INPP4A: variants seen among roughly 807,000 people sequenced by gnomAD.
INPP4A encodes the protein inositol polyphosphate-4-phosphatase type I A.
A neutral mutation model predicts 119.8 loss-of-function variants in INPP4A; 33 were observed. That is an observed-to-expected ratio of 0.28 (90% CI 0.21 to 0.37). INPP4A has a LOEUF of 0.37. Ranked by LOEUF, INPP4A falls within the 10% of genes least tolerant of loss-of-function variation. The probability of loss-of-function intolerance (pLI) is 1.00; values close to 1 mark genes in which losing one functional copy is unlikely to be tolerated. For missense variants in INPP4A, 956 were observed against 1,289.9 expected, an observed-to-expected ratio of 0.74 and a Z score of 3.97; for synonymous variants, 496 against 500.7, an observed-to-expected ratio of 0.99 and a Z score of 0.12.
intron 1 of INPP4A, among the ~76,000 whole-genome samples, chr2:98,501,822 T>C (rs1309779685): frequency 6.6e-6 from 1 of 152,234 alleles, no homozygotes; most frequent in African/African-American, 2.4e-5. Context: ...GCTCCAACTC[T>C]ACATCAGTTG....
In INPP4A at chr2:98,554,529, T is replaced by C. The variant is rs201443599; in HGVS notation, c.1566+40T>C. 2.9e-5 allele frequency: 46 copies of C among 1,576,148 alleles called. No homozygotes were observed. The African/African-American group carries it at 6.1e-4, about 21-fold the overall frequency. ...GTGGCTGTCATCCCACTGCTGAACT[T>C]GGGCTGAAAACCACAAAACCTGTTG... On this transcript the variant is annotated intron_variant, in intron 15 of 24. Coordinates refer to ENST00000409851, the MANE Select transcript of INPP4A (RefSeq NM_001134225.2). The surrounding 1 kb of genome is among the most constrained non-coding windows in gnomAD (Gnocchi z 4.7).
At chr2:98,565,173 A>G (rs1416768968) in intron 19 of INPP4A, among the ~76,000 whole-genome samples, 4 of 152,278 alleles carry the variant, frequency 2.6e-5, no homozygotes, top group African/African-American at 7.2e-5. Context: ...TCTTCTTCCT[A>G]CCCTTGTTTA....
At chr2:98,448,353 C>CAAAAA (rs571844955) in intron 1 of INPP4A, among the ~76,000 whole-genome samples, 1 of 99,746 alleles carries the variant, frequency 1.0e-5, no homozygotes, top group Admixed American at 1.1e-4. Context: ...GAGACTGTCT[C>CAAAAA]AAAAAAAAAA....
intron 1 of INPP4A, among the ~76,000 whole-genome samples, chr2:98,455,654 A>T (rs1243154580): frequency 6.6e-6 from 1 of 152,240 alleles, no homozygotes; most frequent in Non-Finnish European, 1.5e-5. Context: ...CCCAGGGGCT[A>T]CATGGGTGAA....
chr2:98,532,938 T>G (rs1185475395), intron 4 of INPP4A, among the ~76,000 whole-genome samples: 1 of 152,184 alleles, frequency 6.6e-6, no homozygotes, highest in East Asian at 1.9e-4. Flanking sequence ...CCAAGACACG[T>G]GGAGCACCAT....
chr2:98,545,225 A>G (rs959437150), intron 11 of INPP4A, among the ~76,000 whole-genome samples: 4 of 152,212 alleles, frequency 2.6e-5, no homozygotes, highest in African/African-American at 9.7e-5. Context: ...ATTTTTCACT[A>G]GATGAAACGT....
chr2:98,511,312 C>T (rs1219749850), intron 1 of INPP4A, among the ~76,000 whole-genome samples: 1 of 152,190 alleles, frequency 6.6e-6, no homozygotes, highest in East Asian at 1.9e-4. Context: ...CCTGCCTTGG[C>T]CTCCCAAAGT....
In INPP4A at chr2:98,444,859, T is replaced by G. The variant is rs1374969211; in HGVS notation, c.-392T>G. 6.6e-6 allele frequency: 1 copy of G among 151,218 alleles called. No individual in the cohort carries two copies. Among genetic ancestry groups the G allele is most frequent in the Non-Finnish European group, 1.5e-5 (1 of 67,978 alleles). 9.4% of individuals were successfully genotyped at this position (151,218 alleles called of 1,614,324 possible). A position where few individuals can be genotyped will look rare whatever the true frequency, so the allele number is the denominator to read the frequency against. On this transcript the variant is annotated 5_prime_UTR_variant, in exon 1 of 25. Transcript: ENST00000409851. Reference sequence around the variant, plus strand: ...GGCCAGGGCGGGGCTGCGCCCGGCGTCTAGAGCGGCGGCGGCTGGCTAGGG... The same window carrying G: ...GGCCAGGGCGGGGCTGCGCCCGGCGGCTAGAGCGGCGGCGGCTGGCTAGGG...
At chr2:98,533,533 C>T (rs2105919605) in intron 5 of INPP4A, 38 bp downstream of exon 5, 1 of 1,221,480 alleles carries the variant, frequency 8.2e-7, no homozygotes, top group Non-Finnish European at 1.2e-6. Context: ...GGCTGTGGGA[C>T]ATGCTCTAGT....
At chr2:98,555,186 C>G (rs575523562) in intron 15 of INPP4A, among the ~76,000 whole-genome samples, 1 of 152,274 alleles carries the variant, frequency 6.6e-6, no homozygotes, top group African/African-American at 2.4e-5. Flanking sequence ...TCCCTTCTAT[C>G]AAAAGGAGGC....
At chr2:98,521,117 CT>C (rs1382992532) in intron 4 of INPP4A, 5 of 188,446 alleles carry the variant, frequency 2.7e-5, no homozygotes, top group Non-Finnish European at 5.4e-5. Flanking sequence ...TTGCCCCTGG[CT>C]GCAAGGCCTT....
intron 1 of INPP4A, among the ~76,000 whole-genome samples, chr2:98,445,342 G>C (rs1362688126): frequency 2.0e-5 from 3 of 152,230 alleles, no homozygotes; most frequent in Admixed American, 6.5e-5. Flanking sequence ...GGTGCCGAGC[G>C]GGCGCGTGGC....
intron 10 of INPP4A, among the ~76,000 whole-genome samples, chr2:98,540,426 AG>A (rs1240716574): frequency 9.2e-5 from 14 of 152,210 alleles, no homozygotes; most frequent in African/African-American, 3.4e-4. Context: ...CTCTCAACCC[AG>A]GGCATATTTT....
rs528413088 is a variant in INPP4A at position 98,491,435 on chromosome 2, T to A, written c.-165-27529T>A. On this transcript the variant is annotated intron_variant, in intron 1 of 24. Transcript: ENST00000409851. The stretch of plus-strand genomic sequence containing the variant: ...TTTAAAGCATTTACTCATGCTCTCG[T>A]CTGGATGATGTGGTTTCCAGGCCTC... Among the ~76,000 whole-genome samples, 65 of 152,328 alleles carry A rather than the reference T, an allele frequency of 4.3e-4. No homozygotes were observed. In the South Asian group the frequency reaches 0.012, roughly 28 times the overall value.
chr2:98,546,676 T>C lies in INPP4A; in HGVS notation c.1145T>C (p.Phe382Ser). The C allele has an allele frequency of 6.2e-7, 1 of 1,610,226 alleles. No individual in the cohort carries two copies. Among genetic ancestry groups the C allele is most frequent in the Non-Finnish European group, 8.5e-7 (1 of 1,176,442 alleles). ...GGTCTCCGCAAAAAGCTGCACAAAT[T>C]TGAAGAGACCAAGAAACAGTAAGTA... ...SGGLRKKLHK[F>S]EETKKHTSSG... The change falls in exon 13 of 25, where the codon TTT (phenylalanine) becomes TCT (serine). Residue 382 changes from phenylalanine to serine, a missense_variant. By Grantham distance (155) the Phe-to-Ser change is radical. This residue lies in a region of INPP4A where 652 missense variants were observed against 797.9 expected (regional missense o/e 0.82). Transcript: ENST00000409851. This position sits in a 1 kb window ranked among gnomAD's most constrained non-coding sequence, Gnocchi z 4.2.
chr2:98,513,456 C>G (rs184470800), intron 1 of INPP4A, among the ~76,000 whole-genome samples: 63 of 152,370 alleles, frequency 4.1e-4, no homozygotes, highest in Admixed American at 3.9e-3. Flanking sequence ...TAGAGACATT[C>G]ATTCACTCAC....
At chr2:98,553,616 C>T (rs1446295405) in intron 14 of INPP4A, among the ~76,000 whole-genome samples, 2 of 152,152 alleles carry the variant, frequency 1.3e-5, no homozygotes, top group Non-Finnish European at 2.9e-5. Context: ...TACCTCCACA[C>T]TCACACTCAC....
Position 98,587,539 on chromosome 2 carries a change from C to T in INPP4A, c.2850C>T (p.Ser950=), listed in dbSNP as rs867026424. ...GAAGTCGCAAATATGCATTTAATTCCCTGCAGCTGAAGGCTTTCCCCAAGC... is the reference window on the plus strand; with the variant it reads ...GAAGTCGCAAATATGCATTTAATTCTCTGCAGCTGAAGGCTTTCCCCAAGC... The part of the protein sequence containing the change: ...NVGSRKYAFN[S]LQLKAFPKHY... The change falls in exon 25 of 25, where the codon TCC becomes TCT. Residue 950 remains serine (S), a synonymous_variant. Transcript: ENST00000409851. 4 of 1,610,002 alleles carry T rather than the reference C, an allele frequency of 2.5e-6. No individual in the cohort carries two copies. In the Middle Eastern group the frequency reaches 6.6e-4, roughly 266 times the overall value.
chr2:98,545,349 T>C (rs951963083), intron 11 of INPP4A, among the ~76,000 whole-genome samples: 15 of 152,222 alleles, frequency 9.9e-5, no homozygotes, highest in African/African-American at 3.4e-4. Flanking sequence ...AGATTGTGCA[T>C]ATTTGTTATA....
Sources: allele counts gnomAD v4.1 joint callset (sites outside exome capture counted in the v4.1 genomes callset), GRCh38; gene constraint gnomAD v4.1.1; regional missense constraint gnomAD v4.1.1; non-coding constraint Gnocchi (gnomAD v3.1); transcripts MANE v1.5; gene names NCBI Gene and HGNC (gene_info 2026-07-23, HGNC 2026-07-21).